Variants in EPHA6 observed in about 807,000 individuals in gnomAD.
The protein encoded by EPHA6 is EPH receptor A6.
A neutral mutation model predicts 112.0 loss-of-function variants in EPHA6; 50 were observed. The observed-to-expected ratio is 0.45, with a 90% confidence interval of 0.36 to 0.56. The LOEUF is 0.56. Ranked by LOEUF, EPHA6 falls within the 20% of genes least tolerant of loss-of-function variation. EPHA6 has a pLI of 0.00. For synonymous variants in EPHA6, 529 were observed against 490.7 expected (o/e 1.08, Z -1.03); for missense variants, 1,280 against 1,417.4 (o/e 0.90, Z 1.56).
chr3:97,289,668 A>G (rs775742010), intron 5 of EPHA6, among the ~76,000 whole-genome samples: 2 of 151,994 alleles, frequency 1.3e-5, no homozygotes, highest in Non-Finnish European at 2.9e-5. Flanking sequence ...GGCCATTTTA[A>G]TGTTATTGAT....
chr3:97,147,738 G>T lies in EPHA6; in HGVS notation c.1115-78526G>T, dbSNP rs922383685. Among the ~76,000 whole-genome samples, 3 of 151,978 alleles carry T rather than the reference G, an allele frequency of 2.0e-5. No individual in the cohort carries two copies. In the East Asian group the frequency reaches 5.8e-4, roughly 29 times the overall value. On this transcript the variant is annotated intron_variant, in intron 3 of 17. Transcript: ENST00000389672. ...CTGGGAGATGTTCTGCAGCATATCT[G>T]GTCAGTACACCCTAAGACTGTCAAG... is the stretch of plus-strand genomic sequence containing the variant.
intron 2 of EPHA6, among the ~76,000 whole-genome samples, chr3:96,963,654 G>A (rs2042022937): frequency 6.6e-6 from 1 of 152,112 alleles, no homozygotes; most frequent in Admixed American, 6.6e-5. Context: ...CATCTGTCAT[G>A]CAGTGGAGCT....
chr3:97,354,009 A>T (rs1050868431), intron 5 of EPHA6, among the ~76,000 whole-genome samples: 1 of 152,210 alleles, frequency 6.6e-6, no homozygotes, highest in Non-Finnish European at 1.5e-5. Context: ...ATTCTCTGAT[A>T]TCTTACTCAA....
At chr3:96,913,462 C>G (rs1559825876) in intron 2 of EPHA6, among the ~76,000 whole-genome samples, 2 of 152,024 alleles carry the variant, frequency 1.3e-5, no homozygotes, top group South Asian at 4.1e-4. Context: ...GCTGCTTCAT[C>G]TTACTTTGTG....
chr3:97,194,976 C>A lies in EPHA6; in HGVS notation c.1115-31288C>A, dbSNP rs571636480. 3.7e-4 allele frequency among the ~76,000 whole-genome samples: 56 copies of A among 152,050 alleles called. 1 individual carries two copies. The South Asian group carries it at 3.9e-3, about 11-fold the overall frequency. ...ACACGTGAAGTGTGTTTCTTTTAGG[C>A]AATATATGATTGGGTCTCATTTTTT... On this transcript the variant is annotated intron_variant, in intron 3 of 17. Coordinates refer to ENST00000389672, the MANE Select transcript of EPHA6 (RefSeq NM_001080448.3).
At chr3:97,148,371 G>A (rs976609663) in intron 3 of EPHA6, among the ~76,000 whole-genome samples, 2 of 152,068 alleles carry the variant, frequency 1.3e-5, no homozygotes, top group African/African-American at 4.8e-5. Flanking sequence ...CTCTCAGGAG[G>A]CTGAAGAGGG....
chr3:97,469,176 A>G (rs1246173047), intron 7 of EPHA6, among the ~76,000 whole-genome samples: 2 of 151,634 alleles, frequency 1.3e-5, no homozygotes, highest in African/African-American at 2.4e-5. Flanking sequence ...TGAATTTTGT[A>G]GGGCTATTTG....
chr3:97,044,864 T>C (rs1559691122), intron 3 of EPHA6, among the ~76,000 whole-genome samples: 1 of 152,048 alleles, frequency 6.6e-6, no homozygotes, highest in Non-Finnish European at 1.5e-5. Context: ...GGTCACCAAC[T>C]TTTTTTAAAA....
At chr3:97,232,409 T>C (rs1177692013) in intron 4 of EPHA6, among the ~76,000 whole-genome samples, 1 of 152,224 alleles carries the variant, frequency 6.6e-6, no homozygotes, top group Non-Finnish European at 1.5e-5. Context: ...ATGTTGATGC[T>C]ATTTTGTCAG....
intron 14 of EPHA6, among the ~76,000 whole-genome samples, chr3:97,711,370 A>G (rs1347002947): frequency 6.6e-6 from 1 of 152,116 alleles, no homozygotes; most frequent in East Asian, 1.9e-4. Context: ...AAAATGGACT[A>G]ATACAGTCAG....
intron 3 of EPHA6, among the ~76,000 whole-genome samples, chr3:97,175,959 G>A (rs2076824798): frequency 6.6e-6 from 1 of 151,818 alleles, no homozygotes; most frequent in Non-Finnish European, 1.5e-5. Context: ...AGGGGTGACA[G>A]TAGGCATCCT....
At chr3:97,451,545 C>T (rs547165453) in intron 7 of EPHA6, among the ~76,000 whole-genome samples, 1 of 149,840 alleles carries the variant, frequency 6.7e-6, no homozygotes, top group Admixed American at 6.7e-5. Flanking sequence ...CATAGAATGG[C>T]TCCTAAGTCA....
intron 2 of EPHA6, among the ~76,000 whole-genome samples, chr3:96,916,304 A>G (rs1404838069): frequency 6.6e-6 from 1 of 152,158 alleles, no homozygotes; most frequent in Admixed American, 6.6e-5. Flanking sequence ...TCTATGTAAA[A>G]CAGAAAGGAG....
chr3:97,564,644 T>G (rs2093236830), intron 11 of EPHA6, among the ~76,000 whole-genome samples: 1 of 152,136 alleles, frequency 6.6e-6, no homozygotes, highest in African/African-American at 2.4e-5. Context: ...CAACATTTTT[T>G]TTTCCTAAAA....
intron 3 of EPHA6, among the ~76,000 whole-genome samples, chr3:97,199,823 C>A (rs983078983): frequency 6.6e-6 from 1 of 152,078 alleles, no homozygotes; most frequent in Non-Finnish European, 1.5e-5. Flanking sequence ...AAATATGAAT[C>A]AGATATTGTC....
chr3:97,551,866 G>C (rs996246570), intron 11 of EPHA6, among the ~76,000 whole-genome samples: 1 of 152,148 alleles, frequency 6.6e-6, no homozygotes, highest in African/African-American at 2.4e-5. Context: ...AAAGCTACTG[G>C]AGGGACTTGA....
intron 10 of EPHA6, among the ~76,000 whole-genome samples, chr3:97,518,882 A>G (rs1220732272): frequency 6.6e-6 from 1 of 151,946 alleles, no homozygotes; most frequent in Non-Finnish European, 1.5e-5. Context: ...AGTTCCTTGT[A>G]TATTCTGGCT....
intron 3 of EPHA6, among the ~76,000 whole-genome samples, chr3:97,081,639 A>T (rs2046723889): frequency 6.6e-6 from 1 of 151,788 alleles, no homozygotes; most frequent in Non-Finnish European, 1.5e-5. Context: ...TAACTATGTG[A>T]TTCCATTTCT....
At chr3:97,430,079 T>G (rs370913901) in intron 6 of EPHA6, among the ~76,000 whole-genome samples, 3 of 152,190 alleles carry the variant, frequency 2.0e-5, no homozygotes, top group African/African-American at 7.2e-5. Context: ...AATTAATTTT[T>G]AAATATCACA....
Sources: gnomAD v4.1 joint callset for allele counts (sites outside exome capture counted in the v4.1 genomes callset) on GRCh38, gnomAD v4.1.1 for gene constraint, MANE v1.5 for transcripts, NCBI Gene and HGNC (gene_info 2026-07-23, HGNC 2026-07-21) for gene names.